Variants in LINGO2 observed in about 807,000 individuals in gnomAD.
The protein encoded by LINGO2 is leucine rich repeat and Ig domain containing 2.
LINGO2 carries 14 observed loss-of-function variants against 30.6 expected under a neutral mutation model. The observed-to-expected ratio is 0.46, with a 90% CI of 0.30 to 0.72. LINGO2 has a LOEUF of 0.72. Among genes scored for constraint, LINGO2 ranks in the 30% least tolerant of loss-of-function variants. The probability of loss-of-function intolerance (pLI) is 0.07; values close to 1 mark genes in which losing one functional copy is unlikely to be tolerated. For missense variants in LINGO2, 729 were observed against 751.7 expected (o/e 0.97, Z 0.35); for synonymous variants, 317 against 288.5 (o/e 1.10, Z -1.00).
At chr9:28,519,574 G>A (rs1308776568) in intron 1 of LINGO2, among the ~76,000 whole-genome samples, 1 of 152,138 alleles carries the variant, frequency 6.6e-6, no homozygotes, top group Non-Finnish European at 1.5e-5. Flanking sequence ...TTTAAATCAT[G>A]TTTATGTAAA....
At chr9:29,165,025 C>T in the LINGO2 span, among the ~76,000 whole-genome samples, 1 of 151,898 alleles carries the variant, frequency 6.6e-6, no homozygotes, top group Non-Finnish European at 1.5e-5. Flanking sequence ...CTCTTTTAAC[C>T]TTCAAAACTT....
At chr9:28,234,552 T>C (rs1564063902) in intron 4 of LINGO2, among the ~76,000 whole-genome samples, 1 of 152,220 alleles carries the variant, frequency 6.6e-6, no homozygotes, top group Non-Finnish European at 1.5e-5. Flanking sequence ...GCTACCAGCA[T>C]GGCTAGAATA....
intron 1 of LINGO2, among the ~76,000 whole-genome samples, chr9:28,506,522 A>ATAGATAGATAGAT (rs1564250917): frequency 7.3e-6 from 1 of 136,454 alleles, no homozygotes; most frequent in African/African-American, 2.6e-5. Context: ...ATATATATAT[A>ATAGATAGATAGAT]AACTGTTGGG....
intron 2 of LINGO2, among the ~76,000 whole-genome samples, chr9:28,452,645 AGGGAAAGTGATTGCAT>A (rs1395400707): frequency 6.6e-6 from 1 of 151,884 alleles, no homozygotes; most frequent in Non-Finnish European, 1.5e-5. Context: ...AGTATAAATT[AGGGAAAGTGATTGCAT>A]ACAAGAAGTG....
At chr9:28,146,677 C>T (rs1827822474) in intron 4 of LINGO2, among the ~76,000 whole-genome samples, 1 of 151,946 alleles carries the variant, frequency 6.6e-6, no homozygotes, top group Non-Finnish European at 1.5e-5. Flanking sequence ...TTCCCTAGTC[C>T]AGACACCCAA....
chr9:28,650,192 T>TA (rs765016199), intron 1 of LINGO2, among the ~76,000 whole-genome samples: 4 of 152,134 alleles, frequency 2.6e-5, no homozygotes, highest in Non-Finnish European at 5.9e-5. Context: ...ATACTAGTGT[T>TA]ACAACTCTCA....
chr9:27,989,520 C>G (rs1229726490), intron 5 of LINGO2, among the ~76,000 whole-genome samples: 2 of 151,104 alleles, frequency 1.3e-5, no homozygotes, highest in African/African-American at 4.9e-5. Flanking sequence ...ATAGAAAGAA[C>G]TATATCATGA....
At chr9:28,504,723 A>G (rs147472484) in intron 1 of LINGO2, among the ~76,000 whole-genome samples, 5 of 151,972 alleles carry the variant, frequency 3.3e-5, no homozygotes, top group African/African-American at 1.2e-4. Context: ...AAAAATAGTC[A>G]TTGTAGGAAA....
chr9:29,124,112 C>T, the LINGO2 span, among the ~76,000 whole-genome samples: 2 of 152,114 alleles, frequency 1.3e-5, no homozygotes, highest in Non-Finnish European at 2.9e-5. Context: ...AACCACACAT[C>T]TACAACCATC....
At chr9:28,311,646 C>G (rs1461417053) in intron 3 of LINGO2, among the ~76,000 whole-genome samples, 6 of 152,158 alleles carry the variant, frequency 3.9e-5, no homozygotes, top group African/African-American at 1.4e-4. Flanking sequence ...CACTGGCAGT[C>G]AGAGTTTAAG....
At chr9:28,880,940 T>C in the LINGO2 span, among the ~76,000 whole-genome samples, 7 of 152,232 alleles carry the variant, frequency 4.6e-5, no homozygotes, top group South Asian at 2.1e-4. Context: ...AATTATGACA[T>C]AGATTCTTTT....
At chr9:28,112,002 G>A in intron 4 of LINGO2, among the ~76,000 whole-genome samples, 1 of 137,352 alleles carries the variant, frequency 7.3e-6, no homozygotes, top group Non-Finnish European at 1.6e-5. Context: ...CTGGTGCGCT[G>A]CACCCACTAA....
At chr9:29,186,319 A>C in the LINGO2 span, among the ~76,000 whole-genome samples, 1 of 68,576 alleles carries the variant, frequency 1.5e-5, no homozygotes, top group Non-Finnish European at 4.8e-5. Context: ...TATGTCACCA[A>C]AAAAATAAAG....
chr9:29,059,432 T>A, the LINGO2 span, among the ~76,000 whole-genome samples: 2 of 150,174 alleles, frequency 1.3e-5, no homozygotes, highest in African/African-American at 4.9e-5. Flanking sequence ...AATAAATAAA[T>A]AAATAAATAA....
the LINGO2 span, among the ~76,000 whole-genome samples, chr9:28,910,324 T>C: frequency 1.3e-5 from 2 of 152,014 alleles, no homozygotes; most frequent in African/African-American, 2.4e-5. Context: ...TTTTGAGTTA[T>C]CAATAAATAT....
chr9:28,300,284 A>T (rs1824091337), intron 3 of LINGO2, among the ~76,000 whole-genome samples: 1 of 152,158 alleles, frequency 6.6e-6, no homozygotes, highest in Admixed American at 6.5e-5. Context: ...GCTGCAAATA[A>T]TCTTGCAAAA....
the LINGO2 span, among the ~76,000 whole-genome samples, chr9:28,961,903 A>G: frequency 6.6e-6 from 1 of 152,202 alleles, no homozygotes; most frequent in Non-Finnish European, 1.5e-5. Context: ...CCTCTGTGGA[A>G]AACTTAACGT....
chr9:28,025,739 A>AAG (rs1823344858), intron 4 of LINGO2, among the ~76,000 whole-genome samples: 1 of 152,220 alleles, frequency 6.6e-6, no homozygotes, highest in Non-Finnish European at 1.5e-5. Flanking sequence ...TACAGATTTG[A>AAG]AGAGAGACAT....
At chr9:28,835,531 G>C in the LINGO2 span, among the ~76,000 whole-genome samples, 6 of 152,204 alleles carry the variant, frequency 3.9e-5, no homozygotes, top group South Asian at 6.2e-4. Flanking sequence ...CCATTTGTTT[G>C]ACTAAAGAGA....
Sources: gnomAD v4.1 joint callset for allele counts (sites outside exome capture counted in the v4.1 genomes callset) on GRCh38, gnomAD v4.1.1 for gene constraint, MANE v1.5 for transcripts, NCBI Gene and HGNC (gene_info 2026-07-23, HGNC 2026-07-21) for gene names.